Variants in RNF6 observed in about 807,000 individuals in gnomAD.
RNF6 encodes ring finger protein 6.
RNF6 carries 21 observed loss-of-function variants against 50.1 expected under a neutral mutation model. The ratio of observed to expected loss-of-function variants is 0.42; its 90% CI spans 0.30 to 0.60. The LOEUF (loss-of-function observed/expected upper bound fraction) is 0.60. Among genes scored for constraint, RNF6 ranks in the 20% least tolerant of loss-of-function variants. RNF6 has a pLI of 0.20. For missense variants in RNF6, 698 were observed against 838.2 expected (o/e 0.83, Z 2.07); for synonymous variants, 255 against 291.8 (o/e 0.87, Z 1.29).
chr13:26,134,748 C>T (rs1014603746), intron 5 of RNF6, among the ~76,000 whole-genome samples: 4 of 152,090 alleles, frequency 2.6e-5, no homozygotes, highest in African/African-American at 9.7e-5. Flanking sequence ...TCTACTCCAT[C>T]TTCCCAGAAA....
intron 5 of RNF6, among the ~76,000 whole-genome samples, chr13:26,167,075 A>G (rs975187585): frequency 5.9e-5 from 9 of 152,244 alleles, no homozygotes; most frequent in Non-Finnish European, 1.2e-4. Context: ...AAAGACTTAC[A>G]TGCAAAACTC....
intron 5 of RNF6, among the ~76,000 whole-genome samples, chr13:26,186,152 C>T (rs1320358708): frequency 6.6e-6 from 1 of 152,224 alleles, no homozygotes; most frequent in East Asian, 1.9e-4. Context: ...CTTCATCACC[C>T]GCCTCGCGGC....
rs192957715 is a variant in RNF6 at position 26,172,248 on chromosome 13, C to T, written n.769-39797G>A. 1.3e-3 allele frequency among the ~76,000 whole-genome samples: 196 copies of T among 145,610 alleles called. 1 individual carries two copies. The highest frequency in any genetic ancestry group is 4.7e-3 in the African/African-American group (185 of 39,770). ...GGAAAAGAATGGACCATTCCGTAAC[C>T]GATGCTGGAACAGCTGGTTAGCACT... is the stretch of plus-strand genomic sequence containing the variant. On this transcript the variant is annotated intron_variant and non_coding_transcript_variant, in intron 5 of 5. Coordinates refer to the RNF6 transcript ENST00000468480.
At chr13:26,132,660 A>G (rs950791692) in intron 5 of RNF6, among the ~76,000 whole-genome samples, 1 of 152,246 alleles carries the variant, frequency 6.6e-6, no homozygotes, top group Non-Finnish European at 1.5e-5. Context: ...TAACTTTAAT[A>G]AAAAGAAAAG....
At chr13:26,203,744 G>C (rs1868982966) in intron 5 of RNF6, among the ~76,000 whole-genome samples, 1 of 151,928 alleles carries the variant, frequency 6.6e-6, no homozygotes, top group Admixed American at 6.5e-5. Flanking sequence ...GGCAGATCAC[G>C]AGCTCAGGAG....
intron 5 of RNF6, among the ~76,000 whole-genome samples, chr13:26,157,460 GA>G (rs1871988416): frequency 6.6e-6 from 1 of 151,722 alleles, no homozygotes; most frequent in Non-Finnish European, 1.5e-5. Flanking sequence ...TAACAACTGG[GA>G]AAAAAAGATT....
At chr13:26,143,725 C>A (rs1298085969) in intron 5 of RNF6, among the ~76,000 whole-genome samples, 1 of 152,166 alleles carries the variant, frequency 6.6e-6, no homozygotes, top group African/African-American at 2.4e-5. Context: ...GGAGCTGTGA[C>A]TGAGTCTTCA....
At chr13:26,167,738 C>T (rs919915726) in intron 5 of RNF6, among the ~76,000 whole-genome samples, 2 of 152,322 alleles carry the variant, frequency 1.3e-5, no homozygotes, top group South Asian at 2.1e-4. Flanking sequence ...ACCATAAAGA[C>T]ACATGCACAC....
chr13:26,134,785 A>C (rs2137541412), intron 5 of RNF6, among the ~76,000 whole-genome samples: 1 of 152,338 alleles, frequency 6.6e-6, no homozygotes, highest in African/African-American at 2.4e-5. Context: ...CACTTTAAAA[A>C]ATCCGGAAGT....
intron 5 of RNF6, among the ~76,000 whole-genome samples, chr13:26,138,346 A>G (rs1870756127): frequency 6.6e-6 from 1 of 152,190 alleles, no homozygotes; most frequent in Non-Finnish European, 1.5e-5. Flanking sequence ...CCTACAATAA[A>G]TACTAAAGGG....
chr13:26,157,154 T>C (rs1871970526), intron 5 of RNF6, among the ~76,000 whole-genome samples: 1 of 152,202 alleles, frequency 6.6e-6, no homozygotes, highest in Non-Finnish European at 1.5e-5. Flanking sequence ...GTTGTGGTGA[T>C]GGTTGCACAA....
downstream of RNF6, among the ~76,000 whole-genome samples, chr13:26,210,986 A>G (rs1869297928): frequency 6.6e-6 from 1 of 152,220 alleles, no homozygotes; most frequent in African/African-American, 2.4e-5. Flanking sequence ...ACTATAAAGA[A>G]CAAGCTCTAC....
At chr13:26,146,157 A>G (rs1419341054) in intron 5 of RNF6, among the ~76,000 whole-genome samples, 2 of 152,188 alleles carry the variant, frequency 1.3e-5, no homozygotes, top group Non-Finnish European at 2.9e-5. Flanking sequence ...TTAAAAGGCT[A>G]TAGATCCCTT....
At chr13:26,196,788 CA>C (rs1276973006) in intron 5 of RNF6, among the ~76,000 whole-genome samples, 1 of 151,732 alleles carries the variant, frequency 6.6e-6, no homozygotes, top group Non-Finnish European at 1.5e-5. Context: ...AGCAAGCCAC[CA>C]GAAATGTTAA....
downstream of RNF6, among the ~76,000 whole-genome samples, chr13:26,210,180 GA>G (rs2137728567): frequency 6.6e-6 from 1 of 152,268 alleles, no homozygotes; most frequent in South Asian, 2.1e-4. Flanking sequence ...TCCTAATACA[GA>G]TACGCCAGCT....
intron 5 of RNF6, among the ~76,000 whole-genome samples, chr13:26,155,865 G>A (rs10161810): frequency 1.8e-4 from 27 of 152,134 alleles, no homozygotes; most frequent in African/African-American, 5.6e-4. Flanking sequence ...TTTAAGGGGC[G>A]GACAGGGCAG....
intron 5 of RNF6, among the ~76,000 whole-genome samples, chr13:26,166,860 C>G (rs1403151889): frequency 3.3e-5 from 5 of 152,164 alleles, no homozygotes; most frequent in Non-Finnish European, 7.3e-5. Context: ...GCAGAGGTTG[C>G]AGTGAGCTGA....
intron 5 of RNF6, among the ~76,000 whole-genome samples, chr13:26,189,789 T>C (rs1444642111): frequency 6.6e-6 from 1 of 152,232 alleles, no homozygotes; most frequent in African/African-American, 2.4e-5. Context: ...ATTTACACTC[T>C]CTGCTCAATT....
At position 26,195,928 on chromosome 13, in the gene RNF6, G is replaced by A. The variant is rs114691721; in HGVS notation, n.768+19546C>T. 2.9e-3 allele frequency among the ~76,000 whole-genome samples: 447 copies of A among 152,186 alleles called. 1 individual carries two copies. Among genetic ancestry groups the A allele is most frequent in the African/African-American group, 0.01 (419 of 41,522 alleles). On this transcript the variant is annotated intron_variant and non_coding_transcript_variant, in intron 5 of 5. Transcript: ENST00000468480. The stretch of plus-strand genomic sequence containing the variant: ...TATACATGATTTATTCATCAGCATC[G>A]TAATGAGATAAACCCAAGGTCTAAT...
Sources: allele counts gnomAD v4.1 joint callset (sites outside exome capture counted in the v4.1 genomes callset), GRCh38; gene constraint gnomAD v4.1.1; transcripts MANE v1.5; gene names NCBI Gene and HGNC (gene_info 2026-07-23, HGNC 2026-07-21).